The following ARID1A variants were observed in gnomAD, a reference collection of about 807,000 sequenced individuals.
The protein encoded by ARID1A is AT-rich interactive domain-containing protein 1A.
A neutral mutation model predicts 212.6 loss-of-function variants in ARID1A; 20 were observed. The observed-to-expected ratio is 0.09, with a 90% confidence interval of 0.07 to 0.14. The LOEUF is 0.14. ARID1A is among the 10% of genes least tolerant of loss of function. ARID1A has a pLI of 1.00. For missense variants in ARID1A, 2,587 were observed against 3,059.0 expected (o/e 0.85, Z 3.64); for synonymous variants, 1,376 against 1,222.1 (o/e 1.13, Z -2.63).
At chr1:26,747,095 G>C (rs78634538) in intron 4 of ARID1A, among the ~76,000 whole-genome samples, 5,265 of 152,152 alleles carry the variant, frequency 0.035, 324 homozygotes, top group African/African-American at 0.12. Flanking sequence ...TAAATCAAGC[G>C]TAGAATTAGC....
At chr1:26,731,044 G>C in intron 2 of ARID1A, 108 bp from the exon 3 acceptor site, 1 of 1,236,038 alleles carries the variant, frequency 8.1e-7, no homozygotes. Flanking sequence ...ATGAGGCCTT[G>C]CATGCTTGCT....
chr1:26,719,921 A>G (rs1272063792), intron 1 of ARID1A, among the ~76,000 whole-genome samples: 1 of 146,986 alleles, frequency 6.8e-6, no homozygotes, highest in Admixed American at 6.9e-5. Context: ...AGCCTGGGCA[A>G]CAAAAGTGAA....
At chr1:26,746,343 C>G (rs909252754) in intron 4 of ARID1A, among the ~76,000 whole-genome samples, 18 of 152,178 alleles carry the variant, frequency 1.2e-4, no homozygotes, top group African/African-American at 4.1e-4. Context: ...CCTATTCCCC[C>G]TTGCCTTTTC....
intron 4 of ARID1A, among the ~76,000 whole-genome samples, chr1:26,738,973 C>T (rs923532370): frequency 2.0e-5 from 3 of 151,246 alleles, no homozygotes; most frequent in Non-Finnish European, 4.4e-5. Flanking sequence ...CTGCAAGCTC[C>T]GCCTCCCGGG....
intron 1 of ARID1A, among the ~76,000 whole-genome samples, chr1:26,717,020 C>T (rs1026053543): frequency 6.6e-6 from 1 of 152,110 alleles, no homozygotes; most frequent in Non-Finnish European, 1.5e-5. Flanking sequence ...GTTGCTGTGA[C>T]AACCAAAAAA....
At position 26,771,504 on chromosome 1, in the gene ARID1A, T is replaced by G. The variant is rs2081082445; in HGVS notation, c.3406+178T>G. On this transcript the variant is annotated intron_variant, in intron 12 of 19. Coordinates refer to ENST00000324856, the MANE Select transcript of ARID1A (RefSeq NM_006015.6). The surrounding 1 kb of genome is among the most constrained non-coding windows in gnomAD (Gnocchi z 5.4). ...AGAGAGTGGGCAGTGGAAACTCCCT[T>G]GGGAGGTACTCTACGGCAGCTCTTA... is the stretch of plus-strand genomic sequence containing the variant. 1 of 650,842 alleles carries G rather than the reference T, an allele frequency of 1.5e-6. No homozygotes were observed. The highest frequency in any genetic ancestry group is 2.6e-6 in the Non-Finnish European group (1 of 381,386). 40.3% of individuals were successfully genotyped at this position (650,842 alleles called of 1,614,324 possible). A position where few individuals can be genotyped will look rare whatever the true frequency, so the allele number is the denominator to read the frequency against.
rs2081143240 is a variant in ARID1A, at chr1:26,777,060, T to TAC, written c.5124+1354_5124+1355dup. 3.3e-5 allele frequency among the ~76,000 whole-genome samples: 5 copies of TAC among 152,318 alleles called. No homozygotes were observed. The South Asian group carries it at 1.0e-3, about 32-fold the overall frequency. ...AGGAATTTTTATCATTTTATACAGCTACTTCCTGGAAAAGCCAGAATTTTT... is the reference window on the plus strand; with the variant it reads ...AGGAATTTTTATCATTTTATACAGCTACACTTCCTGGAAAAGCCAGAATTTTT... On this transcript the variant is annotated intron_variant, in intron 19 of 19. Coordinates refer to ENST00000324856, the MANE Select transcript of ARID1A (RefSeq NM_006015.6).
At chr1:26,722,446 A>G (rs1402868690) in intron 1 of ARID1A, among the ~76,000 whole-genome samples, 1 of 152,150 alleles carries the variant, frequency 6.6e-6, no homozygotes, top group African/African-American at 2.4e-5. Flanking sequence ...GGGTTTCACC[A>G]TGTTGGCCAG....
intron 4 of ARID1A, among the ~76,000 whole-genome samples, chr1:26,757,600 G>A (rs2080953765): frequency 6.6e-6 from 1 of 152,100 alleles, no homozygotes; most frequent in Non-Finnish European, 1.5e-5. Flanking sequence ...GGCTTCACCT[G>A]TAATATCTGA....
chr1:26,713,385 GTC>G (rs2080471766), intron 1 of ARID1A, among the ~76,000 whole-genome samples: 1 of 148,142 alleles, frequency 6.8e-6, no homozygotes. Flanking sequence ...TTTTGGCAGA[GTC>G]TTGCTTTGTT....
At chr1:26,705,783 C>T (rs1322986163) in intron 1 of ARID1A, among the ~76,000 whole-genome samples, 3 of 152,212 alleles carry the variant, frequency 2.0e-5, no homozygotes, top group Non-Finnish European at 4.4e-5. Context: ...GAAGGGACAT[C>T]TGAATGAACT....
intron 18 of ARID1A, 33 bp downstream of exon 18, chr1:26,775,253 C>A (rs769594931): frequency 1.3e-6 from 2 of 1,538,964 alleles, no homozygotes; most frequent in South Asian, 1.3e-5. Context: ...GTTGCCTAAT[C>A]TGCCCCTTTC....
intron 4 of ARID1A, among the ~76,000 whole-genome samples, chr1:26,739,997 A>G (rs564010525): frequency 2.0e-5 from 3 of 152,048 alleles, no homozygotes; most frequent in South Asian, 2.1e-4. Flanking sequence ...CTTAAAAAAA[A>G]AAAAAAAGAA....
At chr1:26,735,844 T>G (rs758466355) in intron 4 of ARID1A, among the ~76,000 whole-genome samples, 5 of 152,238 alleles carry the variant, frequency 3.3e-5, no homozygotes, top group Non-Finnish European at 5.9e-5. Flanking sequence ...TGCTATTTTT[T>G]GCTTTCAGAC....
At chr1:26,736,195 G>A (rs1213153475) in intron 4 of ARID1A, among the ~76,000 whole-genome samples, 1 of 151,532 alleles carries the variant, frequency 6.6e-6, no homozygotes, top group Non-Finnish European at 1.5e-5. Context: ...ATGGCAGTGG[G>A]TACCTGTAGT....
intron 1 of ARID1A, among the ~76,000 whole-genome samples, chr1:26,701,891 G>GT: frequency 6.6e-6 from 1 of 152,322 alleles, no homozygotes; most frequent in East Asian, 1.9e-4. Context: ...CTGGCTGGTG[G>GT]TTTTAAAACA....
At position 26,774,100 on chromosome 1, in the gene ARID1A, T is replaced by G; in HGVS notation, c.4101+202T>G. 2.7e-6 allele frequency: 3 copies of G among 1,092,186 alleles called. No homozygotes were observed. Among genetic ancestry groups the G allele is most frequent in the Non-Finnish European group, 1.3e-6 (1 of 785,594 alleles). The allele number at this position is 1,092,186 out of a possible 1,614,324, so 67.7% of individuals were successfully genotyped here. Reference sequence around the variant, plus strand: ...AGTTGGAAGGGGCTAGAAATAGACCTTATTTTGATTTTTAGGTTTTGTATA... The same window carrying G: ...AGTTGGAAGGGGCTAGAAATAGACCGTATTTTGATTTTTAGGTTTTGTATA... On this transcript the variant is annotated intron_variant, in intron 17 of 19. Coordinates refer to ENST00000324856, the MANE Select transcript of ARID1A (RefSeq NM_006015.6). This position sits in a 1 kb window ranked among gnomAD's most constrained non-coding sequence, Gnocchi z 5.6.
In ARID1A at chr1:26,697,101, C is replaced by T. The variant is rs759726621; in HGVS notation, c.698C>T (p.Ser233Phe). The T allele has an allele frequency of 6.8e-7, 1 of 1,466,554 alleles. No homozygotes were observed. Among genetic ancestry groups the T allele is most frequent in the Non-Finnish European group, 9.0e-7 (1 of 1,113,280 alleles). The allele number at this position is 1,466,554 out of a possible 1,614,324, so 90.8% of individuals were successfully genotyped here. A position where few individuals can be genotyped will look rare whatever the true frequency, so the allele number is the denominator to read the frequency against. Residue 233 changes from serine (S) to phenylalanine (F), a missense_variant, in exon 1 of 20, where the codon TCC becomes TTC. By Grantham distance (155) the Ser-to-Phe change is radical. Transcript: ENST00000324856. ...PPPAPAYALSSPRGGTPGSGA... is the reference protein window; with the variant it reads ...PPPAPAYALSFPRGGTPGSGA... Reference sequence around the variant, plus strand: ...CCCGCCCCGGCCTACGCGCTGAGCTCCCCGAGAGGTGGCACTCCGGGCTCC... The same window carrying T: ...CCCGCCCCGGCCTACGCGCTGAGCTTCCCGAGAGGTGGCACTCCGGGCTCC...
At position 26,747,713 on chromosome 1, in the gene ARID1A, G is replaced by T. The variant is rs184280115; in HGVS notation, c.1921-13143G>T. ...AAAAAAAAAAAAAATAGTTGGCCAT[G>T]GTGGTGCATGCCTGTAGTCCTGGCT... On this transcript the variant is annotated intron_variant, in intron 4 of 19. Transcript: ENST00000324856. Among the ~76,000 whole-genome samples, 1,147 of 151,942 alleles carry T rather than the reference G, an allele frequency of 7.5e-3. 10 individuals carry two copies. The highest frequency in any genetic ancestry group is 0.026 in the African/African-American group (1,095 of 41,444).
Sources: allele counts gnomAD v4.1 joint callset (sites outside exome capture counted in the v4.1 genomes callset), GRCh38; gene constraint gnomAD v4.1.1; non-coding constraint Gnocchi (gnomAD v3.1); transcripts MANE v1.5; gene names NCBI Gene and HGNC (gene_info 2026-07-23, HGNC 2026-07-21).